Variants in DCC observed in about 807,000 individuals in gnomAD.
The protein encoded by DCC is DCC netrin 1 receptor, also known as netrin receptor DCC.
In DCC, 58 loss-of-function variants were observed where a neutral mutation model predicts 172.5. That is an observed-to-expected ratio of 0.34 (90% CI 0.27 to 0.42). The LOEUF (loss-of-function observed/expected upper bound fraction) is 0.42, where lower values mean the gene tolerates loss of function less well. Among genes scored for constraint, DCC ranks in the 10% least tolerant of loss-of-function variants. The pLI is 1.00. For synonymous variants in DCC, 709 were observed against 644.5 expected, an observed-to-expected ratio of 1.10 and a Z score of -1.52; for missense variants, 1,740 against 1,791.0, an observed-to-expected ratio of 0.97 and a Z score of 0.51.
chr18:52,755,211 G>C (rs1280544479), intron 2 of DCC, among the ~76,000 whole-genome samples: 3 of 152,198 alleles, frequency 2.0e-5, no homozygotes, highest in Non-Finnish European at 2.9e-5. Flanking sequence ...GAGGAGGTCT[G>C]CTGATTTGAA....
chr18:52,714,672 T>C (rs993237653), intron 1 of DCC, among the ~76,000 whole-genome samples: 2 of 152,166 alleles, frequency 1.3e-5, no homozygotes, highest in Admixed American at 6.5e-5. Context: ...AATGTTGGAT[T>C]ACTGACTATT....
rs549827944 is a variant in DCC, at chr18:53,496,162, G to A, written c.3899-3136G>A. Among the ~76,000 whole-genome samples the A allele has an allele frequency of 5.9e-5, 9 of 152,208 alleles. No homozygotes were observed. The South Asian group carries it at 1.9e-3, about 32-fold the overall frequency. On this transcript the variant is annotated intron_variant, in intron 26 of 28. Transcript: ENST00000442544. ...TCCATCCAGCCCATGTATCCTGACT[G>A]GGAGACACCTCCCAGTTGGAGCTGA... is the stretch of plus-strand genomic sequence containing the variant.
intron 1 of DCC, among the ~76,000 whole-genome samples, chr18:52,648,306 C>A (rs1327650471): frequency 6.6e-6 from 1 of 152,204 alleles, no homozygotes; most frequent in African/African-American, 2.4e-5. Flanking sequence ...AGGGCTTCCC[C>A]TCAACGTGAG....
At chr18:53,073,048 T>A (rs2042676484) in intron 7 of DCC, among the ~76,000 whole-genome samples, 1 of 152,204 alleles carries the variant, frequency 6.6e-6, no homozygotes, top group South Asian at 2.1e-4. Flanking sequence ...GCACATTTGA[T>A]CTTCCTTCAT....
intron 1 of DCC, among the ~76,000 whole-genome samples, chr18:52,612,574 AT>A (rs2034295606): frequency 6.8e-6 from 1 of 146,006 alleles, no homozygotes; most frequent in South Asian, 2.1e-4. Context: ...AGGCATTAAC[AT>A]GACTGAACCC....
chr18:52,890,546 G>A (rs1409076460), intron 2 of DCC, among the ~76,000 whole-genome samples: 1 of 152,082 alleles, frequency 6.6e-6, no homozygotes, highest in Admixed American at 6.6e-5. Flanking sequence ...CTTAAAGTTA[G>A]GTTAACACTT....
At chr18:52,809,098 C>T (rs1037649507) in intron 2 of DCC, among the ~76,000 whole-genome samples, 6 of 152,158 alleles carry the variant, frequency 3.9e-5, no homozygotes, top group African/African-American at 1.4e-4. Flanking sequence ...TCATATCTTA[C>T]AGGTTTGGGT....
intron 1 of DCC, among the ~76,000 whole-genome samples, chr18:52,686,066 C>T (rs1425789574): frequency 6.6e-6 from 1 of 152,086 alleles, no homozygotes; most frequent in Non-Finnish European, 1.5e-5. Context: ...TCTTTGATGT[C>T]CACACTGTCA....
At chr18:52,533,591 T>G (rs1471833758) in intron 1 of DCC, among the ~76,000 whole-genome samples, 1 of 152,162 alleles carries the variant, frequency 6.6e-6, no homozygotes, top group African/African-American at 2.4e-5. Context: ...TGTCTATTAC[T>G]AAGTAACAGT....
chr18:52,947,552 C>A (rs952869399), intron 5 of DCC, among the ~76,000 whole-genome samples: 59 of 152,290 alleles, frequency 3.9e-4, no homozygotes, highest in African/African-American at 1.3e-3. Context: ...TTACACTCTG[C>A]GAAGGTGTAA....
At chr18:53,177,864 TAA>T (rs2055132659) in intron 8 of DCC, among the ~76,000 whole-genome samples, 3 of 152,334 alleles carry the variant, frequency 2.0e-5, no homozygotes, top group Admixed American at 2.0e-4. Context: ...TCAGTCATAT[TAA>T]GAGTGTAGAT....
chr18:53,027,087 G>C (rs1321720119), intron 5 of DCC, among the ~76,000 whole-genome samples: 1 of 152,098 alleles, frequency 6.6e-6, no homozygotes, highest in South Asian at 2.1e-4. Flanking sequence ...TAAGCTGACA[G>C]AGTGCTGTAT....
At chr18:53,220,473 C>T (rs543162433) in intron 12 of DCC, among the ~76,000 whole-genome samples, 11 of 152,226 alleles carry the variant, frequency 7.2e-5, no homozygotes, top group African/African-American at 2.6e-4. Flanking sequence ...TACACTTTGG[C>T]TGCTGAGTTC....
chr18:52,961,763 T>C (rs376944359), intron 5 of DCC, among the ~76,000 whole-genome samples: 3 of 152,158 alleles, frequency 2.0e-5, no homozygotes, highest in African/African-American at 4.8e-5. Flanking sequence ...AACACAGATA[T>C]AGATCAATGG....
At chr18:53,221,307 A>C (rs1280477658) in intron 12 of DCC, among the ~76,000 whole-genome samples, 2 of 152,100 alleles carry the variant, frequency 1.3e-5, no homozygotes, top group South Asian at 4.1e-4. Context: ...CTTAGTATCT[A>C]TTCACCAGTA....
In DCC at chr18:52,479,584, C is replaced by A. The variant is rs1051886778; in HGVS notation, c.91+138706C>A. Among the ~76,000 whole-genome samples the A allele has an allele frequency of 1.0e-3, 148 of 148,580 alleles. 4 individuals carry two copies. The highest frequency in any genetic ancestry group is 3.4e-3 in the African/African-American group (137 of 39,898). On this transcript the variant is annotated intron_variant, in intron 1 of 28. Coordinates refer to ENST00000442544, the MANE Select transcript of DCC (RefSeq NM_005215.4). ...TCTCACTCCCTACCTCCCTCCACCC[C>A]CCCCCCGTCTCCCTTCCTCTCACTA...
At chr18:53,437,472 C>A (rs1034822117) in intron 22 of DCC, among the ~76,000 whole-genome samples, 1 of 149,066 alleles carries the variant, frequency 6.7e-6, no homozygotes, top group African/African-American at 2.5e-5. Flanking sequence ...CCCAGGTACT[C>A]AGGAGGCTGA....
At chr18:52,723,180 A>G (rs1709935586) in intron 1 of DCC, among the ~76,000 whole-genome samples, 1 of 151,750 alleles carries the variant, frequency 6.6e-6, no homozygotes, top group Non-Finnish European at 1.5e-5. Flanking sequence ...AGTGATCTGA[A>G]CTCTCCTTAT....
chr18:52,412,779 G>A (rs1011671539), intron 1 of DCC, among the ~76,000 whole-genome samples: 1 of 152,152 alleles, frequency 6.6e-6, no homozygotes, highest in African/African-American at 2.4e-5. Context: ...AGACTTTGTT[G>A]ACTAAAAATG....
Sources: allele counts gnomAD v4.1 joint callset (sites outside exome capture counted in the v4.1 genomes callset), GRCh38; gene constraint gnomAD v4.1.1; transcripts MANE v1.5; gene names NCBI Gene and HGNC (gene_info 2026-07-23, HGNC 2026-07-21).